The following NARS2 variants were observed in gnomAD, a reference collection of about 807,000 sequenced individuals.
The protein encoded by NARS2 is asparaginyl-tRNA synthetase 2, mitochondrial, also known as asparaginyl-tRNA synthetase.
A neutral mutation model predicts 62.9 loss-of-function variants in NARS2; 60 were observed. The ratio of observed to expected loss-of-function variants is 0.95; its 90% CI spans 0.77 to 1.18. The LOEUF (loss-of-function observed/expected upper bound fraction) is 1.18, where lower values mean the gene tolerates loss of function less well. Ranked by LOEUF, NARS2 falls within the 50% of genes most tolerant of loss-of-function variation. The pLI is 0.00. For missense variants in NARS2, 619 were observed against 576.4 expected (o/e 1.07, Z -0.76); for synonymous variants, 196 against 200.0 (o/e 0.98, Z 0.17).
At chr11:78,495,750 C>T (rs180720654) in intron 6 of NARS2, among the ~76,000 whole-genome samples, 1 of 152,304 alleles carries the variant, frequency 6.6e-6, no homozygotes, top group East Asian at 1.9e-4. Flanking sequence ...CAATCCAGGT[C>T]TGGCCCAAAC....
intron 7 of NARS2, among the ~76,000 whole-genome samples, chr11:78,484,230 A>T (rs1490398619): frequency 6.6e-6 from 1 of 152,188 alleles, no homozygotes; most frequent in Non-Finnish European, 1.5e-5. Context: ...ACCTTATATA[A>T]AAACTAACTC....
intron 6 of NARS2, among the ~76,000 whole-genome samples, chr11:78,520,960 A>C (rs1861093392): frequency 6.6e-6 from 1 of 150,994 alleles, no homozygotes; most frequent in South Asian, 2.1e-4. Context: ...CGAGAGGCTG[A>C]GGCAGGAAAA....
intron 6 of NARS2, among the ~76,000 whole-genome samples, chr11:78,515,006 T>C (rs1860851314): frequency 1.3e-5 from 2 of 152,144 alleles, no homozygotes; most frequent in South Asian, 4.2e-4. Context: ...GAAGGGGGCC[T>C]TCAGTGGACA....
At chr11:78,570,169 GAC>G (rs1451709508) in intron 2 of NARS2, among the ~76,000 whole-genome samples, 1 of 151,892 alleles carries the variant, frequency 6.6e-6, no homozygotes, top group Non-Finnish European at 1.5e-5. Flanking sequence ...CAGCCTGAGC[GAC>G]AGAGTCAGAC....
intron 5 of NARS2, among the ~76,000 whole-genome samples, chr11:78,552,081 T>C (rs4944206): frequency 0.65 from 98,317 of 151,984 alleles, 35,179 homozygotes; most frequent in Non-Finnish European, 0.81. Flanking sequence ...GTTGTACATA[T>C]TACATAACCC....
Position 78,559,625 on chromosome 11 carries a change from AAAG to A in NARS2, c.514-9_514-7del. Reference sequence around the variant, plus strand: ...ATATGTACAAAGCCACTGTCCTGAAAAAGAAAACCACTGTTTTCAGGATATTTG... The same window carrying A: ...ATATGTACAAAGCCACTGTCCTGAAAAAAACCACTGTTTTCAGGATATTTG... On this transcript the variant is annotated splice_region_variant and splice_polypyrimidine_tract_variant and intron_variant, in intron 4 of 13. Transcript: ENST00000281038. 6.3e-7 allele frequency: 1 copy of A among 1,588,100 alleles called. No individual in the cohort carries two copies. Among genetic ancestry groups the A allele is most frequent in the Non-Finnish European group, 8.6e-7 (1 of 1,156,950 alleles).
At chr11:78,445,700 G>C (rs1241239192) in intron 11 of NARS2, among the ~76,000 whole-genome samples, 1 of 151,986 alleles carries the variant, frequency 6.6e-6, no homozygotes, top group Non-Finnish European at 1.5e-5. Context: ...TTGTAGTCTT[G>C]GCTACTTGGG....
intron 11 of NARS2, among the ~76,000 whole-genome samples, chr11:78,450,543 C>G (rs930968531): frequency 1.3e-5 from 2 of 152,076 alleles, no homozygotes; most frequent in Admixed American, 6.6e-5. Context: ...TCTTAAGATA[C>G]CTGTATCTTT....
intron 1 of NARS2, among the ~76,000 whole-genome samples, chr11:78,573,683 G>A (rs1282485414): frequency 1.3e-5 from 2 of 152,210 alleles, no homozygotes; most frequent in Non-Finnish European, 1.5e-5. Context: ...TGTAGACTAT[G>A]AGCCACTGTT....
At chr11:78,481,024 T>A (rs973916953) in intron 7 of NARS2, among the ~76,000 whole-genome samples, 1 of 152,134 alleles carries the variant, frequency 6.6e-6, no homozygotes, top group Non-Finnish European at 1.5e-5. Flanking sequence ...TTTCACCATG[T>A]TGGCCAGGCT....
At chr11:78,451,953 A>T (rs1857985438) in intron 11 of NARS2, among the ~76,000 whole-genome samples, 1 of 152,178 alleles carries the variant, frequency 6.6e-6, no homozygotes, top group African/African-American at 2.4e-5. Context: ...TCTAGAGCAC[A>T]TCTTAAGCAA....
rs916218900 is a variant in NARS2 at position 78,574,556 on chromosome 11, C to T, written c.-68G>A. The T allele has an allele frequency of 2.0e-5, 30 of 1,492,794 alleles. No individual in the cohort carries two copies. Among genetic ancestry groups the T allele is most frequent in the Non-Finnish European group, 2.6e-5 (29 of 1,120,962 alleles). 92.5% of individuals were successfully genotyped at this position (1,492,794 alleles called of 1,614,324 possible). ...ACGGTTCGAACCCCGCCTGCAGCGG[C>T]CCTCCTTTCTCAGCTGCTCCCCTTC... On this transcript the variant is annotated 5_prime_UTR_variant, in exon 1 of 14. Transcript: ENST00000281038.
chr11:78,490,046 A>G (rs1033363084), intron 7 of NARS2, among the ~76,000 whole-genome samples: 4 of 152,240 alleles, frequency 2.6e-5, no homozygotes, highest in African/African-American at 9.6e-5. Context: ...CTCAAAAAAC[A>G]AAAAACCAGA....
At chr11:78,510,326 T>C (rs1004330854) in intron 6 of NARS2, among the ~76,000 whole-genome samples, 2 of 152,064 alleles carry the variant, frequency 1.3e-5, no homozygotes, top group Non-Finnish European at 2.9e-5. Context: ...AGAGCACGGG[T>C]GGCTATACTA....
intron 13 of NARS2, among the ~76,000 whole-genome samples, chr11:78,439,738 G>A (rs1039682037): frequency 3.9e-5 from 6 of 152,106 alleles, no homozygotes; most frequent in Non-Finnish European, 7.4e-5. Flanking sequence ...CGAGGGTGTA[G>A]GTAACTTGCC....
At chr11:78,442,210 T>C (rs1323394294) in intron 12 of NARS2, among the ~76,000 whole-genome samples, 3 of 152,232 alleles carry the variant, frequency 2.0e-5, no homozygotes, top group Admixed American at 1.3e-4. Flanking sequence ...CCATGTGTGA[T>C]TTTTATTGTG....
chr11:78,493,157 C>T lies in NARS2; in HGVS notation c.728G>A (p.Arg243Gln), dbSNP rs199984779. 5.6e-5 allele frequency: 91 copies of T among 1,613,738 alleles called. No homozygotes were observed. The highest frequency in any genetic ancestry group is 6.2e-5 in the Non-Finnish European group (73 of 1,179,940). ...CCTCCGGCTCTGAGAATTTTCAGCT[C>T]GGAAGGTCGGACCAAAGGTAAACAC... ...TQVFTFGPTF[R>Q]AENSQSRRHL... Residue 243 changes from arginine (R) to glutamine (Q), a missense_variant, in exon 7 of 14, where the codon CGA (arginine) becomes CAA (glutamine). Arg to Gln is a conservative substitution (Grantham distance 43). Transcript: ENST00000281038.
chr11:78,566,108 A>G (rs1355592120), intron 4 of NARS2, 24 bp downstream of exon 4: 9 of 1,586,914 alleles, frequency 5.7e-6, no homozygotes, highest in Admixed American at 1.8e-5. Context: ...TTAAAGGGTC[A>G]AGAGGGAACT....
chr11:78,461,043 C>T (rs887128614), intron 11 of NARS2, among the ~76,000 whole-genome samples: 12 of 152,108 alleles, frequency 7.9e-5, no homozygotes, highest in African/African-American at 1.9e-4. Context: ...ACGCATACTA[C>T]GTCATTTTAC....
Sources: allele counts gnomAD v4.1 joint callset (sites outside exome capture counted in the v4.1 genomes callset), GRCh38; gene constraint gnomAD v4.1.1; transcripts MANE v1.5; gene names NCBI Gene and HGNC (gene_info 2026-07-23, HGNC 2026-07-21).